TTLL11: variants seen among roughly 807,000 people sequenced by gnomAD.
TTLL11 encodes tubulin polyglutamylase TTLL11.
TTLL11 carries 42 observed loss-of-function variants against 51.7 expected under a neutral mutation model. The ratio of observed to expected loss-of-function variants is 0.81; its 90% confidence interval spans 0.64 to 1.05. TTLL11 has a LOEUF of 1.05. Ranked by LOEUF, TTLL11 falls within the 50% of genes least tolerant of loss-of-function variation. The pLI, the probability that TTLL11 is intolerant of heterozygous loss-of-function variation, is 0.00. For synonymous variants in TTLL11, 381 were observed against 383.5 expected, an observed-to-expected ratio of 0.99 and a Z score of 0.08; for missense variants, 799 against 940.4, an observed-to-expected ratio of 0.85 and a Z score of 1.97.
intron 1 of TTLL11, among the ~76,000 whole-genome samples, chr9:122,086,897 C>T (rs1025955534): frequency 3.3e-5 from 5 of 152,238 alleles, no homozygotes; most frequent in Non-Finnish European, 7.3e-5. Context: ...TTCTCACTTA[C>T]TTGCTGTGCC....
Position 121,822,532 on chromosome 9 carries a change from C to T in TTLL11, c.*55G>A. 11 of 1,411,710 alleles carry T rather than the reference C, an allele frequency of 7.8e-6. No individual in the cohort carries two copies. The highest frequency in any genetic ancestry group is 8.4e-6 in the Non-Finnish European group (9 of 1,077,346). 87.4% of individuals were successfully genotyped at this position (1,411,710 alleles called of 1,614,324 possible). A position where few individuals can be genotyped will look rare whatever the true frequency, so the allele number is the denominator to read the frequency against. ...CTCTGCAGGCAGAATGCCTGGGGCG[C>T]TCCAGCCCTGAAAGCTGCTCTCGTC... On this transcript the variant is annotated 3_prime_UTR_variant, in exon 9 of 9. Transcript: ENST00000321582. The surrounding 1 kb of genome is among the most constrained non-coding windows in gnomAD (Gnocchi z 5.8).
chr9:121,821,092 T>G lies in TTLL11; in HGVS notation c.*1495A>C, dbSNP rs1836564745. Among the ~76,000 whole-genome samples the G allele has an allele frequency of 6.6e-6, 1 of 152,048 alleles. No homozygotes were observed. Among genetic ancestry groups the G allele is most frequent in the African/African-American group, 2.4e-5 (1 of 41,410 alleles). On this transcript the variant is annotated 3_prime_UTR_variant, in exon 9 of 9. Coordinates refer to ENST00000321582, the MANE Select transcript of TTLL11 (RefSeq NM_001139442.2). This position sits in a 1 kb window ranked among gnomAD's most constrained non-coding sequence, Gnocchi z 5.0. Reference sequence around the variant, plus strand: ...GCCAACAATTGGAGACATCTTGGATTAACAATCTTGCCTTTGGGTTTAAAA... The same window carrying G: ...GCCAACAATTGGAGACATCTTGGATGAACAATCTTGCCTTTGGGTTTAAAA...
intron 6 of TTLL11, among the ~76,000 whole-genome samples, chr9:121,879,835 C>T (rs1004736103): frequency 2.2e-4 from 30 of 135,086 alleles, no homozygotes; most frequent in East Asian, 2.4e-4. Context: ...TCTGGTGGTA[C>T]GCACCTGCGG....
At chr9:121,832,315 A>T (rs1837042957) in intron 8 of TTLL11, among the ~76,000 whole-genome samples, 1 of 152,096 alleles carries the variant, frequency 6.6e-6, no homozygotes, top group East Asian at 1.9e-4. Context: ...AAGCAATCCT[A>T]CACTTCTTCC....
chr9:121,844,847 A>G (rs961542808), intron 8 of TTLL11, among the ~76,000 whole-genome samples: 3 of 152,310 alleles, frequency 2.0e-5, no homozygotes, highest in Non-Finnish European at 4.4e-5. Context: ...AAATACTGAA[A>G]AAAAGGAGAC....
intron 1 of TTLL11, among the ~76,000 whole-genome samples, chr9:122,039,910 A>G (rs1264665551): frequency 6.6e-6 from 1 of 151,898 alleles, no homozygotes; most frequent in African/African-American, 2.4e-5. Flanking sequence ...ACACATACAC[A>G]CACACATATG....
intron 6 of TTLL11, among the ~76,000 whole-genome samples, chr9:121,909,312 G>C (rs1246342638): frequency 6.6e-6 from 1 of 152,098 alleles, no homozygotes. Context: ...CCGCCAGAAG[G>C]TATGCTGAGG....
chr9:121,985,473 AAG>A (rs141439733), intron 4 of TTLL11, among the ~76,000 whole-genome samples: 10,476 of 150,722 alleles, frequency 0.07, 762 homozygotes, highest in African/African-American at 0.18. Flanking sequence ...AGAATAAAGT[AAG>A]AGAGGGCTCC....
intron 3 of TTLL11, among the ~76,000 whole-genome samples, chr9:122,011,649 A>T (rs1311712093): frequency 5.9e-5 from 9 of 152,206 alleles, no homozygotes; most frequent in African/African-American, 1.9e-4. Context: ...TACATATAGG[A>T]ACATCATGTA....
At position 121,870,503 on chromosome 9, in the gene TTLL11, A is replaced by G. The variant is rs1484665297; in HGVS notation, c.1727T>C (p.Phe576Ser). Residue 576 changes from phenylalanine (F) to serine (S), a missense_variant, in exon 7 of 9, where the codon TTC becomes TCC. Coordinates refer to ENST00000321582, the MANE Select transcript of TTLL11 (RefSeq NM_001139442.2). The stretch of plus-strand genomic sequence containing the variant: ...GGGGGCTGTTCTCACTGACCTTATG[A>G]AGGTACGAAAGCCTGTTGGCCCCAA... The part of the protein sequence containing the change: ...MKLGPTGFRT[F>S]IRSCKLSSSS... 1.3e-6 allele frequency: 2 copies of G among 1,551,472 alleles called. No homozygotes were observed. The highest frequency in any genetic ancestry group is 2.4e-5 in the East Asian group (1 of 40,908).
At position 122,039,281 on chromosome 9, in the gene TTLL11, T is replaced by A; in HGVS notation, c.550A>T (p.Lys184Ter). ...CAATAACAGCAGATACCTGGAAACT[T>A]GTTCACTTGACCGGAGAATATGTCA... Reference protein sequence around the residue: ...DNDIFSGQVNKFPGMTEMVRK... With the variant: ...DNDIFSGQVN Residue 184 changes from lysine (K) to a stop codon, truncating the protein, a stop_gained, in exon 2 of 9, where the codon AAG becomes TAG. Transcript: ENST00000321582. LOFTEE classifies it high-confidence loss of function. The A allele has an allele frequency of 6.2e-7, 1 of 1,613,946 alleles. No homozygotes were observed. Among genetic ancestry groups the A allele is most frequent in the Non-Finnish European group, 8.5e-7 (1 of 1,179,852 alleles).
At chr9:121,828,300 G>A (rs1392250572) in intron 8 of TTLL11, among the ~76,000 whole-genome samples, 5 of 151,630 alleles carry the variant, frequency 3.3e-5, no homozygotes, top group Non-Finnish European at 7.4e-5. Context: ...AGCCTCCTGA[G>A]TAGCTGGGAT....
chr9:122,045,774 C>T (rs972463168), intron 1 of TTLL11, among the ~76,000 whole-genome samples: 1 of 152,076 alleles, frequency 6.6e-6, no homozygotes, highest in Non-Finnish European at 1.5e-5. Flanking sequence ...AGATGTGATG[C>T]TAAGTGAATG....
chr9:121,854,856 T>G (rs1837765995), intron 8 of TTLL11, among the ~76,000 whole-genome samples: 1 of 152,268 alleles, frequency 6.6e-6, no homozygotes, highest in Non-Finnish European at 1.5e-5. Flanking sequence ...ATCCCAGTTT[T>G]GCTGATAACA....
chr9:121,994,517 G>A (rs1843200048), intron 3 of TTLL11, among the ~76,000 whole-genome samples: 2 of 152,188 alleles, frequency 1.3e-5, no homozygotes, highest in Non-Finnish European at 2.9e-5. Context: ...GCCCAGAGAT[G>A]TCAAGTAATT....
At chr9:121,952,228 C>A (rs1340651548) in intron 6 of TTLL11, among the ~76,000 whole-genome samples, 1 of 152,042 alleles carries the variant, frequency 6.6e-6, no homozygotes, top group African/African-American at 2.4e-5. Context: ...GGGCAGATCA[C>A]AAAGTCAAGA....
rs532486164 is a variant in TTLL11 at position 121,871,991 on chromosome 9, G to A, written c.1482-1243C>T. Among the ~76,000 whole-genome samples the A allele has an allele frequency of 2.6e-5, 4 of 152,314 alleles. No homozygotes were observed. The East Asian group carries it at 7.7e-4, about 29-fold the overall frequency. On this transcript the variant is annotated intron_variant, in intron 6 of 8. Coordinates refer to ENST00000321582, the MANE Select transcript of TTLL11 (RefSeq NM_001139442.2). ...GTGTTCATTCCTGAGACAGAACCTC[G>A]AGCATGTTATACATGGTCAGTAAAT...
intron 6 of TTLL11, among the ~76,000 whole-genome samples, chr9:121,895,845 GTGTA>G (rs766192318): frequency 7.7e-4 from 3 of 3,894 alleles, no homozygotes; most frequent in South Asian, 0.011. Context: ...GTGTGGTTGT[GTGTA>G]TGAATGTGTT....
intron 6 of TTLL11, among the ~76,000 whole-genome samples, chr9:121,963,925 G>A (rs1842318238): frequency 6.6e-6 from 1 of 152,092 alleles, no homozygotes; most frequent in Non-Finnish European, 1.5e-5. Context: ...TATGGGGAAC[G>A]CAATGTATCT....
Sources: gnomAD v4.1 joint callset for allele counts (sites outside exome capture counted in the v4.1 genomes callset) on GRCh38, gnomAD v4.1.1 for gene constraint, Gnocchi (gnomAD v3.1) non-coding constraint, MANE v1.5 for transcripts, NCBI Gene and HGNC (gene_info 2026-07-23, HGNC 2026-07-21) for gene names.